Variants in NBAS observed in about 807,000 individuals in gnomAD.
The protein encoded by NBAS is NAG/BC035112 fusion.
A neutral mutation model predicts 302.5 loss-of-function variants in NBAS; 219 were observed. The observed-to-expected ratio is 0.72, with a 90% CI of 0.65 to 0.81. NBAS has a LOEUF of 0.81. NBAS is among the 30% of genes least tolerant of loss of function. NBAS has a pLI of 0.00. For missense variants in NBAS, 2,932 were observed against 2,841.6 expected, an observed-to-expected ratio of 1.03 and a Z score of -0.72; for synonymous variants, 1,118 against 1,021.6, an observed-to-expected ratio of 1.09 and a Z score of -1.80.
At chr2:14,951,545 C>A in the NBAS span, among the ~76,000 whole-genome samples, 1 of 152,218 alleles carries the variant, frequency 6.6e-6, no homozygotes, top group African/African-American at 2.4e-5. Flanking sequence ...CAGCCAAGTA[C>A]AAGACCTTTT....
At chr2:15,384,210 T>C (rs946357001) in intron 28 of NBAS, among the ~76,000 whole-genome samples, 36 of 152,228 alleles carry the variant, frequency 2.4e-4, no homozygotes, top group Non-Finnish European at 4.7e-4. Flanking sequence ...GCTAGGAAAT[T>C]AATGGTCAGA....
At chr2:15,444,311 G>C (rs560315797) in intron 21 of NBAS, among the ~76,000 whole-genome samples, 4 of 152,146 alleles carry the variant, frequency 2.6e-5, no homozygotes, top group Non-Finnish European at 2.9e-5. Context: ...CAGAGATATA[G>C]ATCAATGGAA....
chr2:14,842,600 A>G, the NBAS span, among the ~76,000 whole-genome samples: 1 of 152,026 alleles, frequency 6.6e-6, no homozygotes, highest in Non-Finnish European at 1.5e-5. Flanking sequence ...GACATACACA[A>G]TCTGTGAAGA....
intron 48 of NBAS, among the ~76,000 whole-genome samples, chr2:15,205,501 A>T (rs922787787): frequency 3.3e-5 from 5 of 151,978 alleles, no homozygotes; most frequent in African/African-American, 1.2e-4. Flanking sequence ...AGACCCAATG[A>T]TCTGTTGCCA....
At chr2:14,855,846 A>C in the NBAS span, among the ~76,000 whole-genome samples, 1 of 152,188 alleles carries the variant, frequency 6.6e-6, no homozygotes, top group Non-Finnish European at 1.5e-5. Flanking sequence ...GTGAGACCTC[A>C]CCACCCTAAA....
At chr2:15,212,444 C>T (rs1393531421) in intron 48 of NBAS, among the ~76,000 whole-genome samples, 2 of 152,162 alleles carry the variant, frequency 1.3e-5, no homozygotes, top group South Asian at 2.1e-4. Flanking sequence ...TACCATACAC[C>T]AGCTGGGCTG....
chr2:15,087,223 A>ACACACAC, the NBAS span, among the ~76,000 whole-genome samples: 1 of 143,192 alleles, frequency 7.0e-6, no homozygotes, highest in African/African-American at 2.6e-5. Flanking sequence ...TTTTTATACA[A>ACACACAC]ACACACACAC....
At chr2:14,872,579 T>C in the NBAS span, among the ~76,000 whole-genome samples, 1 of 152,184 alleles carries the variant, frequency 6.6e-6, no homozygotes, top group Admixed American at 6.5e-5. Context: ...ACTGGTAGGT[T>C]CACGGTCTCG....
the NBAS span, among the ~76,000 whole-genome samples, chr2:14,945,015 C>T: frequency 1.3e-5 from 2 of 152,262 alleles, no homozygotes; most frequent in Admixed American, 6.5e-5. Flanking sequence ...AGAGGGAGGG[C>T]GACCATCCCC....
the NBAS span, among the ~76,000 whole-genome samples, chr2:15,106,096 C>T: frequency 6.6e-6 from 1 of 151,968 alleles, no homozygotes; most frequent in Non-Finnish European, 1.5e-5. Flanking sequence ...GAGAGTTGGC[C>T]CAATGCACAA....
At chr2:15,035,135 GT>G in the NBAS span, among the ~76,000 whole-genome samples, 2 of 143,614 alleles carry the variant, frequency 1.4e-5, no homozygotes, top group Middle Eastern at 3.2e-3. Context: ...TTTTTTTCCA[GT>G]TTTCACTCTT....
At chr2:15,440,565 A>G (rs1030168517) in intron 21 of NBAS, among the ~76,000 whole-genome samples, 1 of 152,230 alleles carries the variant, frequency 6.6e-6, no homozygotes, top group Non-Finnish European at 1.5e-5. Context: ...GGGAAAAAAC[A>G]GAGCAGAAAA....
At chr2:14,975,239 C>T in the NBAS span, among the ~76,000 whole-genome samples, 9 of 152,158 alleles carry the variant, frequency 5.9e-5, no homozygotes, top group Non-Finnish European at 7.3e-5. Flanking sequence ...GGACTTCTGA[C>T]CCACACAACT....
chr2:14,872,655 A>G, the NBAS span, among the ~76,000 whole-genome samples: 1 of 152,010 alleles, frequency 6.6e-6, no homozygotes, highest in Non-Finnish European at 1.5e-5. Flanking sequence ...ACTTAAAGGC[A>G]GCACTTCTGG....
the NBAS span, among the ~76,000 whole-genome samples, chr2:14,968,782 G>A: frequency 3.3e-5 from 5 of 152,168 alleles, no homozygotes; most frequent in African/African-American, 9.7e-5. Context: ...GAAACAGTTT[G>A]GCAGTTCCTC....
At chr2:15,376,520 A>G (rs1451501429) in intron 30 of NBAS, among the ~76,000 whole-genome samples, 1 of 152,216 alleles carries the variant, frequency 6.6e-6, no homozygotes, top group African/African-American at 2.4e-5. Context: ...GAAAGAGCTA[A>G]CTGCTTTAAA....
chr2:15,160,602 G>GGGGGGGGGGGGGGGGGGGGGGGGGGCC, the NBAS span, among the ~76,000 whole-genome samples: 1 of 122,496 alleles, frequency 8.2e-6, no homozygotes, highest in Admixed American at 8.3e-5. Flanking sequence ...AGGGGGGGGG[G>GGGGGGGGGGGGGGGGGGGGGGGGGGCC]CAGGAGGCTG....
At chr2:15,254,809 C>G (rs1456014524) in intron 44 of NBAS, among the ~76,000 whole-genome samples, 1 of 152,316 alleles carries the variant, frequency 6.6e-6, no homozygotes, top group East Asian at 1.9e-4. Context: ...GTTTTCCACT[C>G]CTGAGTTACT....
the NBAS span, among the ~76,000 whole-genome samples, chr2:14,815,170 T>C: frequency 1.3e-5 from 2 of 152,318 alleles, no homozygotes; most frequent in East Asian, 3.9e-4. Context: ...TATAGCAGTT[T>C]GAGAACAGAA....
Sources: allele counts gnomAD v4.1 joint callset (sites outside exome capture counted in the v4.1 genomes callset), GRCh38; gene constraint gnomAD v4.1.1; transcripts MANE v1.5; gene names NCBI Gene and HGNC (gene_info 2026-07-23, HGNC 2026-07-21).